Variants in CDK5RAP2 observed in about 807,000 individuals in gnomAD.
CDK5RAP2 encodes the protein CDK5 regulatory subunit associated protein 2.
Under a neutral mutation model 232.9 loss-of-function variants are expected in CDK5RAP2, and 147 were observed. That is an observed-to-expected ratio of 0.63 (90% CI 0.55 to 0.72). The LOEUF is 0.72. Ranked by LOEUF, CDK5RAP2 falls within the 30% of genes least tolerant of loss-of-function variation. The probability of loss-of-function intolerance (pLI) is 0.00; values close to 1 mark genes in which losing one functional copy is unlikely to be tolerated. For missense variants in CDK5RAP2, 2,195 were observed against 2,231.5 expected, an observed-to-expected ratio of 0.98 and a Z score of 0.33; for synonymous variants, 833 against 833.7, an observed-to-expected ratio of 1.00 and a Z score of 0.01.
intron 6 of CDK5RAP2, among the ~76,000 whole-genome samples, chr9:120,538,176 A>T (rs987902307): frequency 6.6e-6 from 1 of 152,216 alleles, no homozygotes; most frequent in African/African-American, 2.4e-5. Context: ...TAATAGCTAC[A>T]TAACCCCAAG....
At chr9:120,552,086 G>GA (rs1460593328) in intron 3 of CDK5RAP2, among the ~76,000 whole-genome samples, 1 of 151,774 alleles carries the variant, frequency 6.6e-6, no homozygotes, top group Admixed American at 6.6e-5. Flanking sequence ...AAAGACACAT[G>GA]AAAAAATGCT....
chr9:120,476,717 TCCCTGAGGCCAA>T (rs2038036673), intron 15 of CDK5RAP2, among the ~76,000 whole-genome samples: 1 of 148,928 alleles, frequency 6.7e-6, no homozygotes, highest in Non-Finnish European at 1.5e-5. Flanking sequence ...TTCTGAGAAG[TCCCTGAGGCCAA>T]CCCTGTGTGT....
intron 25 of CDK5RAP2, among the ~76,000 whole-genome samples, chr9:120,433,719 A>T (rs1308815822): frequency 2.0e-5 from 3 of 152,234 alleles, no homozygotes; most frequent in Non-Finnish European, 4.4e-5. Context: ...ATATGATACC[A>T]ACTATAATAC....
intron 2 of CDK5RAP2, among the ~76,000 whole-genome samples, chr9:120,570,134 A>C (rs2042798601): frequency 6.6e-6 from 1 of 152,146 alleles, no homozygotes; most frequent in South Asian, 2.1e-4. Flanking sequence ...CAGAGGTGGG[A>C]GTGGGCATGG....
Position 120,403,328 on chromosome 9 carries a change from C to T in CDK5RAP2, c.5042-257G>A, listed in dbSNP as rs1275518576. On this transcript the variant is annotated intron_variant, in intron 33 of 37. Transcript: ENST00000349780. The surrounding 1 kb of genome is among the most constrained non-coding windows in gnomAD (Gnocchi z 4.2). ...ATCAACCACCCACTCGGCAGAAGAC[C>T]CCAGATTCACAAGGATGACTCAAGC... 2 of 494,786 alleles carry T rather than the reference C, an allele frequency of 4.0e-6. No individual in the cohort carries two copies. The highest frequency in any genetic ancestry group is 7.4e-6 in the Non-Finnish European group (2 of 271,716). 30.6% of individuals were successfully genotyped at this position (494,786 alleles called of 1,614,324 possible). A position where few individuals can be genotyped will look rare whatever the true frequency, so the allele number is the denominator to read the frequency against.
chr9:120,451,767 C>T (rs1413245577), intron 21 of CDK5RAP2, among the ~76,000 whole-genome samples: 1 of 151,482 alleles, frequency 6.6e-6, no homozygotes, highest in Non-Finnish European at 1.5e-5. Context: ...TTTTCTGAGC[C>T]TTTTAAGAGC....
At position 120,471,728 on chromosome 9, in the gene CDK5RAP2, A is replaced by G. The variant is rs1243963724; in HGVS notation, c.1858+20T>C. The stretch of plus-strand genomic sequence containing the variant: ...CCAAGTGGAAAAACCAAAGAGAAGC[A>G]CATAGAATAAAGTGTGTACCTTCCC... On this transcript the variant is annotated intron_variant, in intron 16 of 37. Coordinates refer to ENST00000349780, the MANE Select transcript of CDK5RAP2 (RefSeq NM_018249.6). The G allele has an allele frequency of 6.2e-7, 1 of 1,613,886 alleles. No homozygotes were observed. The highest frequency in any genetic ancestry group is 8.5e-7 in the Non-Finnish European group (1 of 1,179,868).
chr9:120,541,258 C>A (rs1270378519), intron 5 of CDK5RAP2, among the ~76,000 whole-genome samples: 25 of 152,172 alleles, frequency 1.6e-4, no homozygotes, highest in Admixed American at 1.6e-3. Context: ...TAGGCCGTCT[C>A]CCTCCTATCA....
At chr9:120,491,846 C>T (rs2038925782) in intron 12 of CDK5RAP2, among the ~76,000 whole-genome samples, 1 of 152,076 alleles carries the variant, frequency 6.6e-6, no homozygotes, top group Non-Finnish European at 1.5e-5. Flanking sequence ...TAATAAGATG[C>T]TCATTATTTT....
At chr9:120,573,317 G>A (rs964156430) in intron 1 of CDK5RAP2, among the ~76,000 whole-genome samples, 1 of 152,188 alleles carries the variant, frequency 6.6e-6, no homozygotes, top group Non-Finnish European at 1.5e-5. Flanking sequence ...GGGAGGCCAA[G>A]GCTGGTGCAT....
At position 120,470,645 on chromosome 9, in the gene CDK5RAP2, A is replaced by ATT. The variant is rs34808923; in HGVS notation, c.1859-427_1859-426dup. The stretch of plus-strand genomic sequence containing the variant: ...TCAAGGGAGATAAAAGTGTCTGATC[A>ATT]TTTTTTTTTTTTTTTACTGGCCCCA... On this transcript the variant is annotated intron_variant, in intron 16 of 37. Transcript: ENST00000349780. Among the ~76,000 whole-genome samples the ATT allele has an allele frequency of 2.8e-3, 409 of 143,772 alleles. 3 individuals carry two copies. The highest frequency in any genetic ancestry group is 1.0e-2 in the African/African-American group (391 of 39,274). The allele number at this position is 143,772 out of a possible 152,430, so 94.3% of individuals were successfully genotyped here. A position where few individuals can be genotyped will look rare whatever the true frequency, so the allele number is the denominator to read the frequency against.
At chr9:120,557,941 G>C (rs2042297616) in intron 3 of CDK5RAP2, among the ~76,000 whole-genome samples, 1 of 149,538 alleles carries the variant, frequency 6.7e-6, no homozygotes, top group Non-Finnish European at 1.5e-5. Flanking sequence ...AATTTTTGTA[G>C]TTTTAATAGA....
At chr9:120,492,887 A>G in intron 12 of CDK5RAP2, among the ~76,000 whole-genome samples, 1 of 152,240 alleles carries the variant, frequency 6.6e-6, no homozygotes, top group East Asian at 1.9e-4. Context: ...CTAAATTTGA[A>G]TTTGAAATAT....
intron 36 of CDK5RAP2, 44 bp from the exon 37 acceptor site, chr9:120,389,831 C>A: frequency 6.3e-7 from 1 of 1,586,272 alleles, no homozygotes; most frequent in Non-Finnish European, 8.7e-7. Context: ...CCATGGATAT[C>A]CAGGAGAGCT....
Position 120,477,381 on chromosome 9 carries a change from G to A in CDK5RAP2, c.1696C>T (p.His566Tyr), listed in dbSNP as rs766929640. 6.8e-6 allele frequency: 11 copies of A among 1,613,570 alleles called. No individual in the cohort carries two copies. The highest frequency in any genetic ancestry group is 6.7e-5 in the Admixed American group (4 of 59,998). ...VLKKEQDIYT[H>Y]LVKSLQESDS... The stretch of plus-strand genomic sequence containing the variant: ...GATTCCTGCAGAGATTTGACCAGAT[G>A]GGTATAGATGTCCTGCTCTTTCTTT... The change falls in exon 15 of 38, where the codon CAT (histidine) becomes TAT (tyrosine). Residue 566 changes from histidine to tyrosine, a missense_variant. Coordinates refer to ENST00000349780, the MANE Select transcript of CDK5RAP2 (RefSeq NM_018249.6).
intron 32 of CDK5RAP2, among the ~76,000 whole-genome samples, chr9:120,405,646 T>C (rs2033381153): frequency 6.6e-6 from 1 of 152,246 alleles, no homozygotes; most frequent in Non-Finnish European, 1.5e-5. Context: ...GTACAGACTA[T>C]TTAGAAGGTG....
At chr9:120,564,011 T>C (rs2042554151) in intron 3 of CDK5RAP2, among the ~76,000 whole-genome samples, 1 of 152,024 alleles carries the variant, frequency 6.6e-6, no homozygotes, top group African/African-American at 2.4e-5. Flanking sequence ...ATACAGGCAA[T>C]TGTTTCAGCC....
chr9:120,409,032 C>T (rs1010004150), intron 30 of CDK5RAP2, 95 bp downstream of exon 30: 1 of 1,202,524 alleles, frequency 8.3e-7, no homozygotes, highest in African/African-American at 1.5e-5. Context: ...CCACTGTGCA[C>T]TAAGGCAGAG....
chr9:120,549,765 C>T (rs2041983945), intron 4 of CDK5RAP2, among the ~76,000 whole-genome samples: 1 of 152,206 alleles, frequency 6.6e-6, no homozygotes, highest in African/African-American at 2.4e-5. Context: ...CTGCTTTAGG[C>T]TATTGGTTTT....
Sources: allele counts gnomAD v4.1 joint callset (sites outside exome capture counted in the v4.1 genomes callset), GRCh38; gene constraint gnomAD v4.1.1; non-coding constraint Gnocchi (gnomAD v3.1); transcripts MANE v1.5; gene names NCBI Gene and HGNC (gene_info 2026-07-23, HGNC 2026-07-21).